The following TRIM16 variants were observed in gnomAD, a reference collection of about 807,000 sequenced individuals.
TRIM16 encodes the protein tripartite motif-containing protein 16.
TRIM16 carries 33 observed loss-of-function variants against 50.4 expected under a neutral mutation model. That is an observed-to-expected ratio of 0.65 (90% confidence interval 0.50 to 0.88). The LOEUF (loss-of-function observed/expected upper bound fraction) is 0.88, where lower values mean the gene tolerates loss of function less well. TRIM16 is among the 40% of genes least tolerant of loss of function. TRIM16 has a pLI of 0.00. For synonymous variants in TRIM16, 229 were observed against 270.7 expected, an observed-to-expected ratio of 0.85 and a Z score of 1.51; for missense variants, 581 against 686.8, an observed-to-expected ratio of 0.85 and a Z score of 1.72.
At chr17:15,636,304 T>G in intron 8 of TRIM16, 35 bp from the exon 9 acceptor site, 1 of 1,602,112 alleles carries the variant, frequency 6.2e-7, no homozygotes, top group Middle Eastern at 1.7e-4. Context: ...CAGCCAAACA[T>G]TTCTTAGTGA....
chr17:15,665,294 C>T (rs141434682), intron 6 of TRIM16, among the ~76,000 whole-genome samples: 4,246 of 152,028 alleles, frequency 0.028, 184 homozygotes, highest in African/African-American at 0.096. Flanking sequence ...GGGCAGATCA[C>T]GAGGTCAGAT....
At chr17:15,676,676 C>T (rs1436364136) in intron 6 of TRIM16, among the ~76,000 whole-genome samples, 1 of 151,938 alleles carries the variant, frequency 6.6e-6, no homozygotes, top group African/African-American at 2.4e-5. Context: ...ACCTCGTGAT[C>T]CGCCCGCCTC....
At chr17:15,646,484 C>T (rs1987384268) in intron 7 of TRIM16, among the ~76,000 whole-genome samples, 3 of 137,798 alleles carry the variant, frequency 2.2e-5, no homozygotes, top group Non-Finnish European at 4.6e-5. Flanking sequence ...GTGTCAAAGG[C>T]ACACTATTTG....
Position 15,651,586 on chromosome 17 carries a change from A to G in TRIM16, c.24T>C (p.Ala8=), listed in dbSNP as rs776377507. ...CAGTGGCCCTGGGCAGTGGCCCTGG[A>G]GCCATTAGATCCAACTCAGCCATCT... MAELDLM[A]PGPLPRATAQ... Residue 8 remains alanine (A), a synonymous_variant, in exon 7 of 12, where the codon GCT becomes GCC. Transcript: ENST00000649191. 6.2e-7 allele frequency: 1 copy of G among 1,613,874 alleles called. No homozygotes were observed. Among genetic ancestry groups the G allele is most frequent in the East Asian group, 2.2e-5 (1 of 44,878 alleles).
intron 6 of TRIM16, among the ~76,000 whole-genome samples, chr17:15,656,554 T>G (rs911257279): frequency 6.6e-6 from 1 of 151,918 alleles, no homozygotes; most frequent in Non-Finnish European, 1.5e-5. Context: ...CCAGCCCCTT[T>G]GCAAACCCTG....
chr17:15,630,269 G>A (rs1986348289), intron 11 of TRIM16, among the ~76,000 whole-genome samples: 1 of 152,062 alleles, frequency 6.6e-6, no homozygotes, highest in African/African-American at 2.4e-5. Flanking sequence ...GGCTACAACT[G>A]AGAGTTCATG....
chr17:15,643,030 T>G (rs1255918706), intron 7 of TRIM16: 17 of 743,650 alleles, frequency 2.3e-5, no homozygotes, highest in Non-Finnish European at 2.9e-5. Flanking sequence ...GAAAATACAG[T>G]GAGCACGGAT....
chr17:15,637,169 T>G (rs1439842692), intron 8 of TRIM16, among the ~76,000 whole-genome samples: 50 of 48,026 alleles, frequency 1.0e-3, no homozygotes, highest in South Asian at 2.4e-3. Flanking sequence ...GGGAGGGAGG[T>G]GGGGGGGTCA....
intron 4 of TRIM16, among the ~76,000 whole-genome samples, chr17:15,678,281 T>C (rs1231887308): frequency 6.6e-6 from 1 of 152,184 alleles, no homozygotes; most frequent in Non-Finnish European, 1.5e-5. Context: ...CACATCTATT[T>C]ATACCTTACA....
In TRIM16 at chr17:15,636,170, C is replaced by T. The variant is rs752853494; in HGVS notation, c.715G>A (p.Glu239Lys). The change falls in exon 9 of 12, where the codon GAG becomes AAG. Residue 239 changes from glutamate to lysine, a missense_variant. Physicochemically the swap from Glu to Lys is moderately conservative, Grantham distance 56. Around this residue, in one of 3 missense-constraint regions of TRIM16, gnomAD observed 450 missense variants for 544.3 expected, o/e 0.83. Coordinates refer to ENST00000649191, the MANE Select transcript of TRIM16 (RefSeq NM_001348119.1). ...AQANVMLFLEEKEQAALSQAN... is the reference protein window; with the variant it reads ...AQANVMLFLEKKEQAALSQAN... ...TGGCTCAGCGCAGCTTGCTCCTTCT[C>T]CTCTAAGAAGAGCATCACATTGGCC... 4 of 1,609,756 alleles carry T rather than the reference C, an allele frequency of 2.5e-6. No individual in the cohort carries two copies. Among genetic ancestry groups the T allele is most frequent in the Non-Finnish European group, 2.5e-6 (3 of 1,178,836 alleles).
intron 6 of TRIM16, among the ~76,000 whole-genome samples, chr17:15,660,897 C>CAAAAAAAAAAAAAAAAAAAAAAAAAAAA (rs550489491): frequency 1.7e-5 from 1 of 60,144 alleles, no homozygotes. Context: ...GACTCCATCT[C>CAAAAAAAAAAAAAAAAAAAAAAAAAAAA]AAAAAAAAAA....
rs927996677 is a variant in TRIM16 at position 15,683,289 on chromosome 17, G to A, written c.-898-132C>T. The A allele has an allele frequency of 2.5e-4, 178 of 725,114 alleles. No homozygotes were observed. In the African/African-American group the frequency reaches 2.9e-3, roughly 12 times the overall value. 44.9% of individuals were successfully genotyped at this position (725,114 alleles called of 1,614,324 possible). A position where few individuals can be genotyped will look rare whatever the true frequency, so the allele number is the denominator to read the frequency against. On this transcript the variant is annotated intron_variant, in intron 1 of 11. Transcript: ENST00000649191. ...AGCTAAAGCTAAACTCAAGAACTTC[G>A]GCAGCCATTTAATCTTCAGGAAGCC... is the stretch of plus-strand genomic sequence containing the variant.
intron 7 of TRIM16, among the ~76,000 whole-genome samples, chr17:15,645,378 C>T (rs114778411): frequency 0.052 from 7,974 of 151,952 alleles, 727 homozygotes; most frequent in African/African-American, 0.18. Flanking sequence ...GCAGAGCCAG[C>T]CCTCCCAGCC....
intron 6 of TRIM16, among the ~76,000 whole-genome samples, chr17:15,676,689 C>A (rs1196314580): frequency 6.6e-6 from 1 of 152,112 alleles, no homozygotes; most frequent in Non-Finnish European, 1.5e-5. Context: ...CCCGCCTCGG[C>A]CTCCCAAAGT....
intron 6 of TRIM16, among the ~76,000 whole-genome samples, chr17:15,653,672 C>T (rs188407528): frequency 2.6e-5 from 4 of 152,280 alleles, no homozygotes; most frequent in Admixed American, 2.6e-4. Context: ...GACTTTCTCC[C>T]CAAATACAGT....
At chr17:15,664,547 C>T (rs755650377) in intron 6 of TRIM16, among the ~76,000 whole-genome samples, 25 of 152,058 alleles carry the variant, frequency 1.6e-4, no homozygotes, top group Admixed American at 9.2e-4. Flanking sequence ...CAGACAGAGA[C>T]GACCTGTGGC....
chr17:15,638,258 T>TAAAAAAAAA (rs535590168), intron 8 of TRIM16, among the ~76,000 whole-genome samples: 20 of 115,064 alleles, frequency 1.7e-4, no homozygotes, highest in African/African-American at 6.8e-4. Context: ...AAAATAAATT[T>TAAAAAAAAA]AAAAAAAAAA....
chr17:15,651,016 A>G, intron 7 of TRIM16, 75 bp downstream of exon 7: 1 of 1,540,312 alleles, frequency 6.5e-7, no homozygotes, highest in African/African-American at 1.4e-5. Flanking sequence ...CAGTGGACCT[A>G]GCAGCTGCAG....
At chr17:15,649,814 A>G (rs946385345) in intron 7 of TRIM16, among the ~76,000 whole-genome samples, 1 of 152,194 alleles carries the variant, frequency 6.6e-6, no homozygotes, top group African/African-American at 2.4e-5. Context: ...TAATGAGGAT[A>G]TGAGATAACT....
Sources: gnomAD v4.1 joint callset for allele counts (sites outside exome capture counted in the v4.1 genomes callset) on GRCh38, gnomAD v4.1.1 for gene constraint, gnomAD v4.1.1 regional missense constraint, MANE v1.5 for transcripts, NCBI Gene and HGNC (gene_info 2026-07-23, HGNC 2026-07-21) for gene names.